STAC: variants seen among roughly 807,000 people sequenced by gnomAD.
STAC encodes the protein SH3 and cysteine-rich domain-containing protein.
Under a neutral mutation model 48.8 loss-of-function variants are expected in STAC, and 43 were observed. That is an observed-to-expected ratio of 0.88 (90% CI 0.69 to 1.14). STAC has a LOEUF of 1.14. STAC is among the 50% of genes most tolerant of loss of function. STAC has a pLI of 0.00. For missense variants in STAC, 497 were observed against 504.0 expected, an observed-to-expected ratio of 0.99 and a Z score of 0.13; for synonymous variants, 193 against 179.5, an observed-to-expected ratio of 1.07 and a Z score of -0.60.
chr3:36,509,933 T>C (rs941725175), intron 8 of STAC, among the ~76,000 whole-genome samples: 3 of 151,996 alleles, frequency 2.0e-5, no homozygotes, highest in Non-Finnish European at 4.4e-5. Context: ...CCAAAAGCAA[T>C]GGCAACAAAC....
intron 1 of STAC, among the ~76,000 whole-genome samples, chr3:36,421,945 T>C (rs1421873463): frequency 6.6e-6 from 1 of 152,126 alleles, no homozygotes; most frequent in Non-Finnish European, 1.5e-5. Context: ...TTATGTTTAT[T>C]CATATTTATT....
chr3:36,532,222 G>A (rs1699089174), intron 10 of STAC, among the ~76,000 whole-genome samples: 1 of 152,070 alleles, frequency 6.6e-6, no homozygotes, highest in East Asian at 1.9e-4. Context: ...ATTTTTGGTT[G>A]TTAAAATCTC....
intron 1 of STAC, among the ~76,000 whole-genome samples, chr3:36,424,735 C>T (rs1185170774): frequency 3.3e-5 from 5 of 152,004 alleles, no homozygotes; most frequent in Non-Finnish European, 7.4e-5. Flanking sequence ...ATGCCAAAAA[C>T]GATGTAGGTA....
At chr3:36,411,161 G>C (rs1700186244) in intron 1 of STAC, among the ~76,000 whole-genome samples, 1 of 152,124 alleles carries the variant, frequency 6.6e-6, no homozygotes, top group Non-Finnish European at 1.5e-5. Flanking sequence ...AAATCCTGTA[G>C]ACTACAACTT....
At chr3:36,411,643 T>C (rs551255104) in intron 1 of STAC, among the ~76,000 whole-genome samples, 31 of 152,292 alleles carry the variant, frequency 2.0e-4, no homozygotes, top group African/African-American at 7.2e-4. Context: ...AGACTGTTCT[T>C]CCATGATGAG....
intron 2 of STAC, among the ~76,000 whole-genome samples, chr3:36,466,608 A>G (rs1276955797): frequency 1.3e-5 from 2 of 151,682 alleles, no homozygotes; most frequent in African/African-American, 2.4e-5. Flanking sequence ...TCTTGCAGCT[A>G]TTCTGGAATG....
intron 1 of STAC, among the ~76,000 whole-genome samples, chr3:36,439,909 C>A (rs968259455): frequency 6.6e-5 from 10 of 152,234 alleles, no homozygotes; most frequent in Non-Finnish European, 1.3e-4. Context: ...GCCTCAGCAA[C>A]AAGCAACTCC....
intron 8 of STAC, among the ~76,000 whole-genome samples, chr3:36,514,204 C>CTTTTTTTTTTTTTTT (rs765548085): frequency 2.7e-5 from 1 of 36,434 alleles, no homozygotes; most frequent in African/African-American, 1.0e-4. Flanking sequence ...CACTGGCCTT[C>CTTTTTTTTTTTTTTT]TTTTTTTTTT....
At chr3:36,455,760 G>GGTGTGTGTGTGTGTGT (rs71085125) in intron 2 of STAC, among the ~76,000 whole-genome samples, 2 of 149,168 alleles carry the variant, frequency 1.3e-5, no homozygotes, top group African/African-American at 4.9e-5. Context: ...GAAACAGGCA[G>GGTGTGTGTGTGTGTGT]GTGTGTGTGT....
Position 36,505,851 on chromosome 3 carries a change from A to T in STAC, c.920+17A>T. The T allele has an allele frequency of 6.5e-7, 1 of 1,530,132 alleles. No homozygotes were observed. The highest frequency in any genetic ancestry group is 8.9e-7 in the Non-Finnish European group (1 of 1,123,514). The allele number at this position is 1,530,132 out of a possible 1,614,324, so 94.8% of individuals were successfully genotyped here. A position where few individuals can be genotyped will look rare whatever the true frequency, so the allele number is the denominator to read the frequency against. On this transcript the variant is annotated intron_variant, in intron 8 of 10. Coordinates refer to ENST00000273183, the MANE Select transcript of STAC (RefSeq NM_003149.3). ...GGAAATGAGGTAAAAACCTTCTGTAAAGAAAAAAAAGAGTAAAATTTTAAA... is the reference window on the plus strand; with the variant it reads ...GGAAATGAGGTAAAAACCTTCTGTATAGAAAAAAAAGAGTAAAATTTTAAA...
intron 1 of STAC, among the ~76,000 whole-genome samples, chr3:36,430,244 T>C (rs1700668282): frequency 6.6e-6 from 1 of 152,218 alleles, no homozygotes; most frequent in Admixed American, 6.5e-5. Flanking sequence ...GACCTCAGCG[T>C]ATAGAATAAG....
At chr3:36,529,036 T>C (rs1466682019) in intron 10 of STAC, 51 bp downstream of exon 10, 6 of 1,521,390 alleles carry the variant, frequency 3.9e-6, no homozygotes, top group Non-Finnish European at 5.3e-6. Context: ...TAGGGTGTCA[T>C]TTTAATAAAC....
intron 5 of STAC, among the ~76,000 whole-genome samples, chr3:36,492,031 A>AAAAAAT (rs1553639882): frequency 1.2e-4 from 2 of 16,440 alleles, no homozygotes; most frequent in African/African-American, 3.8e-4. Flanking sequence ...AAAAAAAAAA[A>AAAAAAT]ATATATATAT....
chr3:36,473,745 A>T (rs1468614541), intron 2 of STAC, among the ~76,000 whole-genome samples: 1 of 152,218 alleles, frequency 6.6e-6, no homozygotes, highest in Non-Finnish European at 1.5e-5. Context: ...AGAGGTTTTA[A>T]AAATTGGTAA....
At chr3:36,435,486 G>A (rs1700811818) in intron 1 of STAC, among the ~76,000 whole-genome samples, 1 of 151,916 alleles carries the variant, frequency 6.6e-6, no homozygotes, top group African/African-American at 2.4e-5. Context: ...TTTAATACAT[G>A]CTGGAGTAAG....
intron 10 of STAC, among the ~76,000 whole-genome samples, chr3:36,531,210 C>T (rs1355163150): frequency 6.6e-6 from 1 of 152,078 alleles, no homozygotes; most frequent in African/African-American, 2.4e-5. Flanking sequence ...TTCATGAATA[C>T]AGTAATTCCA....
At chr3:36,438,244 TAATG>T (rs1469286405) in intron 1 of STAC, among the ~76,000 whole-genome samples, 1 of 152,178 alleles carries the variant, frequency 6.6e-6, no homozygotes, top group Non-Finnish European at 1.5e-5. Flanking sequence ...TTGAATTATT[TAATG>T]AATGAATGAT....
At chr3:36,446,162 C>T (rs936155) in intron 2 of STAC, among the ~76,000 whole-genome samples, 121,278 of 152,206 alleles carry the variant, frequency 0.8, 48,988 homozygotes, top group African/African-American at 0.93. Context: ...AAGCAGGCAC[C>T]GTGGCATGCC....
chr3:36,494,825 C>T (rs1355018510), intron 6 of STAC, among the ~76,000 whole-genome samples: 3 of 152,238 alleles, frequency 2.0e-5, no homozygotes, highest in African/African-American at 4.8e-5. Flanking sequence ...AGCAGGTCAG[C>T]AGCACAGCAG....
Sources: gnomAD v4.1 joint callset for allele counts (sites outside exome capture counted in the v4.1 genomes callset) on GRCh38, gnomAD v4.1.1 for gene constraint, MANE v1.5 for transcripts, NCBI Gene and HGNC (gene_info 2026-07-23, HGNC 2026-07-21) for gene names.